Variants in PYCR2 observed in about 807,000 individuals in gnomAD.
PYCR2 encodes pyrroline-5-carboxylate reductase 2.
PYCR2 carries 17 observed loss-of-function variants against 23.4 expected under a neutral mutation model. The observed-to-expected ratio is 0.73, with a 90% CI of 0.50 to 1.09. The LOEUF (loss-of-function observed/expected upper bound fraction) is 1.09, where lower values mean the gene tolerates loss of function less well. PYCR2 is among the 50% of genes least tolerant of loss of function. The probability of loss-of-function intolerance (pLI) is 0.00; values close to 1 mark genes in which losing one functional copy is unlikely to be tolerated. For synonymous variants in PYCR2, 172 were observed against 176.6 expected, an observed-to-expected ratio of 0.97 and a Z score of 0.21; for missense variants, 380 against 423.5, an observed-to-expected ratio of 0.90 and a Z score of 0.90.
Position 225,923,472 on chromosome 1 carries a change from C to T in PYCR2, c.138+229G>A, listed in dbSNP as rs918884582. On this transcript the variant is annotated intron_variant, in intron 2 of 6. Coordinates refer to ENST00000343818, the MANE Select transcript of PYCR2 (RefSeq NM_013328.4). Reference sequence around the variant, plus strand: ...TCATCACATAATCACCTCAGTTAATCCTCTACCACTCCAGTGTCTGGATCT... The same window carrying T: ...TCATCACATAATCACCTCAGTTAATTCTCTACCACTCCAGTGTCTGGATCT... 2.6e-5 allele frequency: 36 copies of T among 1,398,312 alleles called. No individual in the cohort carries two copies. The African/African-American group carries it at 4.3e-4, about 17-fold the overall frequency. The allele number at this position is 1,398,312 out of a possible 1,614,324, so 86.6% of individuals were successfully genotyped here. A position where few individuals can be genotyped will look rare whatever the true frequency, so the allele number is the denominator to read the frequency against.
intron 2 of PYCR2, chr1:225,923,481 C>A: frequency 7.1e-7 from 1 of 1,408,176 alleles, no homozygotes; most frequent in Non-Finnish European, 9.3e-7. Context: ...TCCTCTACCA[C>A]TCCAGTGTCT....
Position 225,924,120 on chromosome 1 carries a change from T to C in PYCR2, c.-10A>G, listed in dbSNP as rs1335357256. 1.3e-6 allele frequency: 2 copies of C among 1,540,948 alleles called. No individual in the cohort carries two copies. The highest frequency in any genetic ancestry group is 1.7e-6 in the Non-Finnish European group (2 of 1,145,924). On this transcript the variant is annotated 5_prime_UTR_variant, in exon 1 of 7. Transcript: ENST00000343818. The stretch of plus-strand genomic sequence containing the variant: ...TGAAGCCCACGCTCATGGTCCGCGG[T>C]TCACGCCTCCTGGGAGCCGCACGAA...
intron 1 of PYCR2, 29 bp downstream of exon 1, chr1:225,924,015 G>T: frequency 6.7e-7 from 1 of 1,488,712 alleles, no homozygotes; most frequent in Non-Finnish European, 9.0e-7. Flanking sequence ...GACCGCCCGC[G>T]AAGCCGCCTC....
Position 225,921,938 on chromosome 1 carries a change from T to C in PYCR2, c.460A>G (p.Ser154Gly). The change falls in exon 4 of 7, where the codon AGC becomes GGC. Residue 154 changes from serine (S) to glycine (G), a missense_variant. Ser to Gly is a moderately conservative substitution (Grantham distance 56). Transcript: ENST00000343818. This position sits in a 1 kb window ranked among gnomAD's most constrained non-coding sequence, Gnocchi z 4.2. ...EDGQLLEQLM[S>G]SVGFCTEVEE... is the part of the protein sequence containing the mutation. ...ACCTCAGTGCAGAAGCCCACGCTGC[T>C]CATGAGCTGCTCCAGGAGCTGCCCA... The C allele has an allele frequency of 1.2e-6, 2 of 1,614,082 alleles. No homozygotes were observed. The highest frequency in any genetic ancestry group is 2.7e-5 in the African/African-American group (2 of 75,082).
intron 1 of PYCR2, 110 bp from the exon 2 acceptor site, chr1:225,923,881 C>T (rs934933076): frequency 2.0e-6 from 3 of 1,522,938 alleles, no homozygotes; most frequent in East Asian, 2.4e-5. Flanking sequence ...CCCTCTCCCC[C>T]TCAACCCTCT....
chr1:225,921,679 C>A lies in PYCR2; in HGVS notation c.541-35G>T, dbSNP rs368054035. On this transcript the variant is annotated intron_variant, in intron 4 of 6. Transcript: ENST00000343818. This position sits in a 1 kb window ranked among gnomAD's most constrained non-coding sequence, Gnocchi z 4.2. ...CACTCACTAAGCCCCAGGCCATAGG[C>A]ACTGAAGGGCCTTTCCTTAGGTCTG... 37 of 1,609,470 alleles carry A rather than the reference C, an allele frequency of 2.3e-5. No individual in the cohort carries two copies. In the African/African-American group the frequency reaches 4.7e-4, roughly 20 times the overall value.
Position 225,924,100 on chromosome 1 carries a change from C to G in PYCR2, c.11G>C (p.Gly4Ala). Reference sequence around the variant, plus strand: ...GGCCAGCTGGCCGGCCCCGATGAAGCCCACGCTCATGGTCCGCGGTTCACG... The same window carrying G: ...GGCCAGCTGGCCGGCCCCGATGAAGGCCACGCTCATGGTCCGCGGTTCACG... MSVGFIGAGQLAYA... is the reference protein window; with the variant it reads MSVAFIGAGQLAYA... Residue 4 changes from glycine (G) to alanine (A), a missense_variant, in exon 1 of 7, where the codon GGC becomes GCC. Transcript: ENST00000343818. 1.3e-6 allele frequency: 2 copies of G among 1,545,608 alleles called. No homozygotes were observed. The highest frequency in any genetic ancestry group is 1.7e-6 in the Non-Finnish European group (2 of 1,148,370).
intron 2 of PYCR2, chr1:225,922,865 C>T: frequency 2.3e-6 from 1 of 433,628 alleles, no homozygotes; most frequent in Non-Finnish European, 3.1e-6. Context: ...CAGGACCCTC[C>T]AGTGCTAGGG....
At position 225,921,125 on chromosome 1, in the gene PYCR2, G is replaced by A. The variant is rs1475365749; in HGVS notation, c.797+83C>T. On this transcript the variant is annotated intron_variant, in intron 6 of 6. Transcript: ENST00000343818. This position sits in a 1 kb window ranked among gnomAD's most constrained non-coding sequence, Gnocchi z 4.2. ...CTGCTAAATGGGACCCAAGACAGCA[G>A]GTTCCGCAAATGGTGCTCAACCCAG... 2 of 1,376,976 alleles carry A rather than the reference G, an allele frequency of 1.5e-6. No individual in the cohort carries two copies. The highest frequency in any genetic ancestry group is 4.3e-5 in the Admixed American group (2 of 46,150). The allele number at this position is 1,376,976 out of a possible 1,614,324, so 85.3% of individuals were successfully genotyped here. A position where few individuals can be genotyped will look rare whatever the true frequency, so the allele number is the denominator to read the frequency against.
Position 225,924,223 on chromosome 1 carries a change from C to G in PYCR2, c.-113G>C. The G allele has an allele frequency of 8.1e-7, 1 of 1,230,676 alleles. No individual in the cohort carries two copies. The highest frequency in any genetic ancestry group is 1.5e-5 in the South Asian group (1 of 66,996). The allele number at this position is 1,230,676 out of a possible 1,614,324, so 76.2% of individuals were successfully genotyped here. ...GGGCGAACGGGCGGCGTGCCGAGGACCGGCGAGCTAACAGCAGCTTCTGGG... is the reference window on the plus strand; with the variant it reads ...GGGCGAACGGGCGGCGTGCCGAGGAGCGGCGAGCTAACAGCAGCTTCTGGG... On this transcript the variant is annotated 5_prime_UTR_variant, in exon 1 of 7. Coordinates refer to ENST00000343818, the MANE Select transcript of PYCR2 (RefSeq NM_013328.4).
At position 225,920,204 on chromosome 1, in the gene PYCR2, G is replaced by T. The variant is rs930929791; in HGVS notation, c.*251C>A. 1.1e-5 allele frequency: 3 copies of T among 280,140 alleles called. No individual in the cohort carries two copies. The highest frequency in any genetic ancestry group is 2.0e-5 in the Non-Finnish European group (3 of 150,240). 17.4% of individuals were successfully genotyped at this position (280,140 alleles called of 1,614,324 possible). On this transcript the variant is annotated 3_prime_UTR_variant, in exon 7 of 7. Coordinates refer to ENST00000343818, the MANE Select transcript of PYCR2 (RefSeq NM_013328.4). ...TCCACCAACTGAGCAGCGTACGCAG[G>T]GTTGTGTCTGGCTTCCAGCATCTAC...
rs1452517383 is a variant in PYCR2 at position 225,922,094 on chromosome 1, A to C, written c.319-15T>G. 6.2e-7 allele frequency: 1 copy of C among 1,611,750 alleles called. No individual in the cohort carries two copies. Among genetic ancestry groups the C allele is most frequent in the Non-Finnish European group, 8.5e-7 (1 of 1,178,380 alleles). On this transcript the variant is annotated splice_polypyrimidine_tract_variant and intron_variant, in intron 3 of 6. Transcript: ENST00000343818. Reference sequence around the variant, plus strand: ...GCCATCAGCTTCTAGGGTGAGGGAGAGAGCCGAATGAGTGGCCAGGGCACG... The same window carrying C: ...GCCATCAGCTTCTAGGGTGAGGGAGCGAGCCGAATGAGTGGCCAGGGCACG...
Position 225,920,396 on chromosome 1 carries a change from C to G in PYCR2, c.*59G>C, listed in dbSNP as rs56035614. The G allele has an allele frequency of 7.3e-3, 9,759 of 1,328,298 alleles. 602 individuals carry two copies. In the African/African-American group the frequency reaches 0.15, roughly 21 times the overall value. 82.3% of individuals were successfully genotyped at this position (1,328,298 alleles called of 1,614,324 possible). On this transcript the variant is annotated 3_prime_UTR_variant, in exon 7 of 7. Transcript: ENST00000343818. ...TGGTGGGAGCGGGGCAGGGGGGTGG[C>G]AGGGGCGGCAGGGGCTCTCAACTAA...
chr1:225,922,000 G>A lies in PYCR2; in HGVS notation c.398C>T (p.Thr133Ile), dbSNP rs1283576142. ...GGCATGGGTGCCCGTGGCGTACACTGTAGCGCCTTCCTGCACTACCACAGG... is the reference window on the plus strand; with the variant it reads ...GGCATGGGTGCCCGTGGCGTACACTATAGCGCCTTCCTGCACTACCACAGG... The part of the protein sequence containing the change: ...NTPVVVQEGA[T>I]VYATGTHALV... The change falls in exon 4 of 7, where the codon ACA becomes ATA. Residue 133 changes from threonine to isoleucine, a missense_variant. By Grantham distance (89) the Thr-to-Ile change is moderately conservative. Transcript: ENST00000343818. This position sits in a 1 kb window ranked among gnomAD's most constrained non-coding sequence, Gnocchi z 4.2. 1.8e-5 allele frequency: 29 copies of A among 1,614,084 alleles called. No individual in the cohort carries two copies. Among genetic ancestry groups the A allele is most frequent in the Non-Finnish European group, 2.4e-5 (28 of 1,180,040 alleles).
In PYCR2 at chr1:225,920,190, A is replaced by G; in HGVS notation, c.*265T>C. 4.1e-6 allele frequency: 1 copy of G among 242,908 alleles called. No homozygotes were observed. The highest frequency in any genetic ancestry group is 7.9e-6 in the Non-Finnish European group (1 of 126,798). The allele number at this position is 242,908 out of a possible 1,614,324, so 15.0% of individuals were successfully genotyped here. On this transcript the variant is annotated 3_prime_UTR_variant, in exon 7 of 7. Coordinates refer to ENST00000343818, the MANE Select transcript of PYCR2 (RefSeq NM_013328.4). The stretch of plus-strand genomic sequence containing the variant: ...TCCCAGCCCCAGTCTCCACCAACTG[A>G]GCAGCGTACGCAGGGTTGTGTCTGG...
rs1671835033 is a variant in PYCR2 at position 225,921,465 on chromosome 1, C to T, written c.633+87G>A. The T allele has an allele frequency of 6.4e-7, 1 of 1,566,352 alleles. No homozygotes were observed. Among genetic ancestry groups the T allele is most frequent in the African/African-American group, 1.4e-5 (1 of 73,958 alleles). ...TCCTGCCCAACTGCTACCCCAGCTT[C>T]CCAACCAACTCCCACCTCAGTTCAG... On this transcript the variant is annotated intron_variant, in intron 5 of 6. Coordinates refer to ENST00000343818, the MANE Select transcript of PYCR2 (RefSeq NM_013328.4). This position sits in a 1 kb window ranked among gnomAD's most constrained non-coding sequence, Gnocchi z 4.2.
At position 225,921,518 on chromosome 1, in the gene PYCR2, C is replaced by T. The variant is rs772149330; in HGVS notation, c.633+34G>A. ...ATGCACAAGAACCCCCATTCTACACCCTGGTCCTGAACATGCGGGGGAAAG... is the reference window on the plus strand; with the variant it reads ...ATGCACAAGAACCCCCATTCTACACTCTGGTCCTGAACATGCGGGGGAAAG... On this transcript the variant is annotated intron_variant, in intron 5 of 6. Coordinates refer to ENST00000343818, the MANE Select transcript of PYCR2 (RefSeq NM_013328.4). This position sits in a 1 kb window ranked among gnomAD's most constrained non-coding sequence, Gnocchi z 4.2. 1.2e-5 allele frequency: 20 copies of T among 1,611,228 alleles called. No homozygotes were observed. The highest frequency in any genetic ancestry group is 1.7e-5 in the Non-Finnish European group (20 of 1,177,516).
At chr1:225,920,920 T>A (rs953662448) in intron 6 of PYCR2, among the ~76,000 whole-genome samples, 1 of 152,224 alleles carries the variant, frequency 6.6e-6, no homozygotes, top group African/African-American at 2.4e-5. Flanking sequence ...CCTGTCTCCA[T>A]CACTTTTTAA....
rs1176891830 is a variant in PYCR2, at chr1:225,921,406, G to C, written c.634-35C>G. 4 of 1,526,662 alleles carry C rather than the reference G, an allele frequency of 2.6e-6. No individual in the cohort carries two copies. Among genetic ancestry groups the C allele is most frequent in the Non-Finnish European group, 3.6e-6 (4 of 1,105,346 alleles). The allele number at this position is 1,526,662 out of a possible 1,614,324, so 94.6% of individuals were successfully genotyped here. Reference sequence around the variant, plus strand: ...AGGGCACATTAGGAGAAAGTTGCTGGTGTGCGTTGGAACAGGCTTCCCATA... The same window carrying C: ...AGGGCACATTAGGAGAAAGTTGCTGCTGTGCGTTGGAACAGGCTTCCCATA... On this transcript the variant is annotated intron_variant, in intron 5 of 6. Coordinates refer to ENST00000343818, the MANE Select transcript of PYCR2 (RefSeq NM_013328.4). This position sits in a 1 kb window ranked among gnomAD's most constrained non-coding sequence, Gnocchi z 4.2.
Sources: allele counts gnomAD v4.1 joint callset (sites outside exome capture counted in the v4.1 genomes callset), GRCh38; gene constraint gnomAD v4.1.1; non-coding constraint Gnocchi (gnomAD v3.1); transcripts MANE v1.5; gene names NCBI Gene and HGNC (gene_info 2026-07-23, HGNC 2026-07-21).